Variants in ACSF2 observed in about 807,000 individuals in gnomAD.
ACSF2 encodes medium-chain acyl-CoA ligase ACSF2, mitochondrial.
A neutral mutation model predicts 79.3 loss-of-function variants in ACSF2; 52 were observed. The observed-to-expected ratio is 0.66, with a 90% CI of 0.53 to 0.83. The LOEUF (loss-of-function observed/expected upper bound fraction) is 0.83. ACSF2 is among the 40% of genes least tolerant of loss of function. The probability of loss-of-function intolerance (pLI) is 0.00; values close to 1 mark genes in which losing one functional copy is unlikely to be tolerated. For synonymous variants in ACSF2, 283 were observed against 312.6 expected, an observed-to-expected ratio of 0.91 and a Z score of 1.00; for missense variants, 661 against 803.3, an observed-to-expected ratio of 0.82 and a Z score of 2.14.
rs775463288 is a variant in ACSF2 at position 50,426,307 on chromosome 17, G to A, written c.46G>A (p.Gly16Arg). ...GMLRLGRLCAGSSGVLGARAA... is the reference protein window; with the variant it reads ...GMLRLGRLCARSSGVLGARAA... ...GCTGCGCCTGGGGAGGCTGTGCGCC[G>A]GGAGCTCGGGGGTGCTGGGGGCCCG... Residue 16 changes from glycine to arginine, a missense_variant, in exon 1 of 16, where the codon GGG becomes AGG. Physicochemically the swap from Gly to Arg is moderately radical, Grantham distance 125. Coordinates refer to ENST00000300441, the MANE Select transcript of ACSF2 (RefSeq NM_025149.6). 48 of 1,411,756 alleles carry A rather than the reference G, an allele frequency of 3.4e-5. No homozygotes were observed. Among genetic ancestry groups the A allele is most frequent in the Middle Eastern group, 2.1e-4 (1 of 4,728 alleles). The allele number at this position is 1,411,756 out of a possible 1,614,324, so 87.5% of individuals were successfully genotyped here.
chr17:50,468,056 T>G (rs917798730), intron 10 of ACSF2: 2 of 1,595,622 alleles, frequency 1.3e-6, no homozygotes, highest in African/African-American at 1.3e-5. Context: ...CAGGTTGGTG[T>G]TGTCCAGCCA....
At chr17:50,437,054 G>A (rs896374988) in intron 1 of ACSF2, among the ~76,000 whole-genome samples, 5 of 152,184 alleles carry the variant, frequency 3.3e-5, no homozygotes, top group South Asian at 2.1e-4. Context: ...ACCACTGGAA[G>A]GTCAACCACT....
At position 50,435,694 on chromosome 17, in the gene ACSF2, G is replaced by A. The variant is rs543614323; in HGVS notation, c.128+9305G>A. On this transcript the variant is annotated intron_variant, in intron 1 of 15. Transcript: ENST00000300441. ...CCCAAAGTGCTAAGATTACTTTACAGACGTGAGCCACTATGCCCAGCCCAT... is the reference window on the plus strand; with the variant it reads ...CCCAAAGTGCTAAGATTACTTTACAAACGTGAGCCACTATGCCCAGCCCAT... 8.5e-5 allele frequency among the ~76,000 whole-genome samples: 13 copies of A among 152,078 alleles called. No individual in the cohort carries two copies. In the South Asian group the frequency reaches 2.7e-3, roughly 32 times the overall value.
chr17:50,456,244 T>C (rs1278324649), intron 1 of ACSF2, among the ~76,000 whole-genome samples: 2 of 152,276 alleles, frequency 1.3e-5, no homozygotes, highest in Middle Eastern at 3.4e-3. Flanking sequence ...CAGGCTGACT[T>C]CCTGTCCTTC....
chr17:50,465,864 C>T (rs1434030693), intron 10 of ACSF2: 1 of 1,613,750 alleles, frequency 6.2e-7, no homozygotes, highest in Non-Finnish European at 8.5e-7. Context: ...AAGGCACCAT[C>T]TGAGAACTGG....
chr17:50,434,883 A>C (rs1463415154), intron 1 of ACSF2, among the ~76,000 whole-genome samples: 4 of 147,858 alleles, frequency 2.7e-5, no homozygotes, highest in Admixed American at 6.7e-5. Context: ...TCTTTTTTTT[A>C]TTTTGAGACA....
chr17:50,446,248 GA>G (rs2031291742), intron 1 of ACSF2, among the ~76,000 whole-genome samples: 1 of 152,082 alleles, frequency 6.6e-6, no homozygotes, highest in African/African-American at 2.4e-5. Flanking sequence ...TTAAGCCCTA[GA>G]AGGTTTTTTT....
chr17:50,444,278 C>T (rs114722531), intron 1 of ACSF2, among the ~76,000 whole-genome samples: 2,337 of 152,214 alleles, frequency 0.015, 63 homozygotes, highest in African/African-American at 0.054. Flanking sequence ...ACTGGCTGGG[C>T]GCAGTGGCTC....
intron 10 of ACSF2, chr17:50,468,240 C>G (rs757839489): frequency 4.3e-6 from 7 of 1,612,346 alleles, no homozygotes; most frequent in Non-Finnish European, 5.9e-6. Context: ...TCCACGTCGT[C>G]CAGGGCCCCG....
At chr17:50,467,727 T>TGGC (rs1187148936) in intron 10 of ACSF2, 2 of 286,282 alleles carry the variant, frequency 7.0e-6, no homozygotes, top group African/African-American at 4.4e-5. Context: ...CAGGAAGAGG[T>TGGC]GGCTGCTGCT....
intron 1 of ACSF2, among the ~76,000 whole-genome samples, chr17:50,427,648 A>G (rs1567832595): frequency 6.6e-6 from 1 of 152,196 alleles, no homozygotes; most frequent in African/African-American, 2.4e-5. Flanking sequence ...CAAAGTGTAC[A>G]TATTTTATCA....
At position 50,456,022 on chromosome 17, in the gene ACSF2, A is replaced by G. The variant is rs562353968; in HGVS notation, c.129-4655A>G. 1.6e-3 allele frequency among the ~76,000 whole-genome samples: 251 copies of G among 152,260 alleles called. 5 individuals carry two copies. The highest frequency in any genetic ancestry group is 1.8e-3 in the Non-Finnish European group (122 of 68,016). ...TTCTGCCTTGAAATTTGTTCCTCCC[A>G]GAAACTGTCCCTCACAAGGCATGAA... On this transcript the variant is annotated intron_variant, in intron 1 of 15. Transcript: ENST00000300441.
chr17:50,429,521 C>T (rs1368009757), intron 1 of ACSF2, among the ~76,000 whole-genome samples: 1 of 147,222 alleles, frequency 6.8e-6, no homozygotes. Flanking sequence ...TTCTCTTTTT[C>T]TTTTTTTTTT....
At position 50,471,260 on chromosome 17, in the gene ACSF2, C is replaced by T. The variant is rs932044906; in HGVS notation, c.1323+125C>T. The T allele has an allele frequency of 2.3e-5, 17 of 749,608 alleles. No homozygotes were observed. Among genetic ancestry groups the T allele is most frequent in the Non-Finnish European group, 3.4e-5 (15 of 435,720 alleles). 46.4% of individuals were successfully genotyped at this position (749,608 alleles called of 1,614,324 possible). ...CTCACTCAGGATGCCTAGAGCCCCCCAGCAGCAGGGGTGTGCTAGGCCTGG... is the reference window on the plus strand; with the variant it reads ...CTCACTCAGGATGCCTAGAGCCCCCTAGCAGCAGGGGTGTGCTAGGCCTGG... On this transcript the variant is annotated intron_variant, in intron 11 of 15. Coordinates refer to ENST00000300441, the MANE Select transcript of ACSF2 (RefSeq NM_025149.6). This position sits in a 1 kb window ranked among gnomAD's most constrained non-coding sequence, Gnocchi z 4.1.
intron 10 of ACSF2, chr17:50,465,235 A>G (rs2032622500): frequency 6.2e-7 from 1 of 1,601,808 alleles, no homozygotes; most frequent in African/African-American, 1.3e-5. Context: ...GGAAGATACC[A>G]GCTCACTTGC....
chr17:50,466,098 T>TG (rs1487101237), intron 10 of ACSF2, among the ~76,000 whole-genome samples: 1 of 148,080 alleles, frequency 6.8e-6, no homozygotes, highest in Non-Finnish European at 1.5e-5. Flanking sequence ...TTCCTTTTTT[T>TG]TTTTTTGAGA....
At chr17:50,469,102 G>T in intron 10 of ACSF2, 1 of 1,162,360 alleles carries the variant, frequency 8.6e-7, no homozygotes, top group Middle Eastern at 3.3e-4. Context: ...CTGAGCCCCG[G>T]CTGTAGCCCC....
chr17:50,426,501 G>T, intron 1 of ACSF2, 112 bp downstream of exon 1: 1 of 1,210,326 alleles, frequency 8.3e-7, no homozygotes, highest in Non-Finnish European at 1.1e-6. Flanking sequence ...CTGGGGGGAA[G>T]GTACCCGCCC....
chr17:50,466,385 A>C (rs986317765), intron 10 of ACSF2, among the ~76,000 whole-genome samples: 1 of 152,162 alleles, frequency 6.6e-6, no homozygotes, highest in Admixed American at 6.5e-5. Context: ...CACCACGCCC[A>C]GCCAGGTGGT....
Sources: gnomAD v4.1 joint callset for allele counts (sites outside exome capture counted in the v4.1 genomes callset) on GRCh38, gnomAD v4.1.1 for gene constraint, Gnocchi (gnomAD v3.1) non-coding constraint, MANE v1.5 for transcripts, NCBI Gene and HGNC (gene_info 2026-07-23, HGNC 2026-07-21) for gene names.